Variants in PHF21A observed in about 807,000 individuals in gnomAD.
PHF21A encodes the protein BHC80a.
In PHF21A, 11 loss-of-function variants were observed where a neutral mutation model predicts 82.5. The observed-to-expected ratio is 0.13, with a 90% confidence interval of 0.08 to 0.22. The LOEUF (loss-of-function observed/expected upper bound fraction) is 0.22, where lower values mean the gene tolerates loss of function less well. Among genes scored for constraint, PHF21A ranks in the 10% least tolerant of loss-of-function variants. PHF21A has a pLI of 1.00. For synonymous variants in PHF21A, 297 were observed against 302.8 expected, an observed-to-expected ratio of 0.98 and a Z score of 0.20; for missense variants, 579 against 837.8, an observed-to-expected ratio of 0.69 and a Z score of 3.81.
chr11:45,933,967 G>GT lies in PHF21A; in HGVS notation c.2046dup. 1 of 1,545,360 alleles carries GT rather than the reference G, an allele frequency of 6.5e-7. No homozygotes were observed. Among genetic ancestry groups the GT allele is most frequent in the Non-Finnish European group, 8.7e-7 (1 of 1,147,934 alleles). ...CCGTGGCTTCTCCTAGAGGGGCTCT[G>GT]TTATTTAGTCTCTTCCCCCTGGTTA... On this transcript the variant is annotated 3_prime_UTR_variant, in exon 19 of 19. Coordinates refer to ENST00000676320, the MANE Select transcript of PHF21A (RefSeq NM_001352027.3).
Position 45,970,044 on chromosome 11 carries a change from A to T in PHF21A, c.613-140T>A, listed in dbSNP as rs1002359252. On this transcript the variant is annotated intron_variant, in intron 8 of 18. Transcript: ENST00000676320. ...TCGTAAGTTAATCATCTGAATTAAC[A>T]CTGCATTAGGAAACTTTTTAACTCT... 50 of 692,588 alleles carry T rather than the reference A, an allele frequency of 7.2e-5. No homozygotes were observed. The African/African-American group carries it at 7.9e-4, about 11-fold the overall frequency. 42.9% of individuals were successfully genotyped at this position (692,588 alleles called of 1,614,324 possible). A position where few individuals can be genotyped will look rare whatever the true frequency, so the allele number is the denominator to read the frequency against.
chr11:45,978,286 GTGAGACT>G, intron 7 of PHF21A, among the ~76,000 whole-genome samples: 1 of 152,310 alleles, frequency 6.6e-6, no homozygotes, highest in Admixed American at 6.5e-5. Context: ...GGGTGACACA[GTGAGACT>G]CCGTCTCAAA....
intron 15 of PHF21A, among the ~76,000 whole-genome samples, chr11:45,939,054 G>A (rs767909297): frequency 6.6e-6 from 1 of 152,068 alleles, no homozygotes; most frequent in Non-Finnish European, 1.5e-5. Flanking sequence ...GGATGGTCTC[G>A]ATCTCCTGAC....
intron 6 of PHF21A, among the ~76,000 whole-genome samples, chr11:46,055,244 A>T (rs978948772): frequency 1.3e-5 from 2 of 152,020 alleles, no homozygotes; most frequent in Non-Finnish European, 2.9e-5. Flanking sequence ...ATTTTTAGTA[A>T]TTTTTTTTAT....
At chr11:46,057,177 G>A (rs765887601) in intron 6 of PHF21A, among the ~76,000 whole-genome samples, 8 of 152,178 alleles carry the variant, frequency 5.3e-5, no homozygotes, top group Non-Finnish European at 8.8e-5. Flanking sequence ...GTCATGTCCA[G>A]TGGGCTAGTA....
chr11:46,071,215 T>C (rs918146570), intron 6 of PHF21A, among the ~76,000 whole-genome samples: 4 of 152,340 alleles, frequency 2.6e-5, no homozygotes, highest in Admixed American at 1.3e-4. Flanking sequence ...TTTTAGTAGT[T>C]TGGCCTGCTT....
chr11:45,945,605 C>T (rs1213959072), intron 15 of PHF21A, among the ~76,000 whole-genome samples: 1 of 152,160 alleles, frequency 6.6e-6, no homozygotes, highest in Non-Finnish European at 1.5e-5. Flanking sequence ...CAAATTCAGA[C>T]TCTGAAGGCT....
intron 6 of PHF21A, among the ~76,000 whole-genome samples, chr11:46,034,105 A>G (rs1248822243): frequency 6.6e-6 from 1 of 152,120 alleles, no homozygotes; most frequent in African/African-American, 2.4e-5. Flanking sequence ...CATTTTCCTC[A>G]TTACTAATAA....
chr11:45,956,626 G>A (rs918946653), intron 10 of PHF21A, among the ~76,000 whole-genome samples: 4 of 152,004 alleles, frequency 2.6e-5, no homozygotes, highest in Admixed American at 6.6e-5. Context: ...TGTTAAAAAC[G>A]TATGAATGTT....
intron 6 of PHF21A, among the ~76,000 whole-genome samples, chr11:46,036,974 G>A (rs995134543): frequency 6.6e-6 from 1 of 152,124 alleles, no homozygotes; most frequent in Admixed American, 6.5e-5. Flanking sequence ...GCTTCCCAAA[G>A]TGTTGGGATT....
chr11:46,107,366 C>T (rs2097163402), intron 1 of PHF21A, among the ~76,000 whole-genome samples: 1 of 152,158 alleles, frequency 6.6e-6, no homozygotes, highest in Admixed American at 6.5e-5. Context: ...CCTCTGTACA[C>T]TATTAGACTA....
chr11:45,981,940 CTTTTTTTTTTTTTT>C (rs754937092), intron 6 of PHF21A, among the ~76,000 whole-genome samples: 9 of 78,268 alleles, frequency 1.1e-4, no homozygotes, highest in East Asian at 8.9e-4. Flanking sequence ...TTTTGTTTTT[CTTTTTTTTTTTTTT>C]TTTTTTTTTT....
At chr11:45,984,466 G>A (rs1179267351) in intron 6 of PHF21A, among the ~76,000 whole-genome samples, 1 of 152,192 alleles carries the variant, frequency 6.6e-6, no homozygotes, top group African/African-American at 2.4e-5. Flanking sequence ...TTCCAAGACA[G>A]GTAGTCACGG....
chr11:46,039,824 T>G (rs1447170515), intron 6 of PHF21A, among the ~76,000 whole-genome samples: 1 of 152,212 alleles, frequency 6.6e-6, no homozygotes, highest in African/African-American at 2.4e-5. Context: ...GAGGAAATAA[T>G]TTTTAAATTT....
At chr11:46,089,346 G>C (rs1161999185) in intron 3 of PHF21A, among the ~76,000 whole-genome samples, 2 of 151,848 alleles carry the variant, frequency 1.3e-5, no homozygotes, top group African/African-American at 4.8e-5. Flanking sequence ...AAATTACCAT[G>C]AATGCAAAAA....
chr11:46,029,342 C>T (rs1290710058), intron 6 of PHF21A, among the ~76,000 whole-genome samples: 1 of 152,132 alleles, frequency 6.6e-6, no homozygotes, highest in Non-Finnish European at 1.5e-5. Flanking sequence ...AATAACTGTT[C>T]TGAAAACAGA....
intron 6 of PHF21A, among the ~76,000 whole-genome samples, chr11:46,016,971 ATT>A (rs58460605): frequency 0.021 from 3,117 of 148,012 alleles, 59 homozygotes; most frequent in Non-Finnish European, 0.03. Context: ...TTTAACCTGG[ATT>A]TTTTTTTTTT....
intron 15 of PHF21A, among the ~76,000 whole-genome samples, chr11:45,940,005 A>C (rs2090035387): frequency 6.6e-6 from 1 of 152,048 alleles, no homozygotes. Flanking sequence ...GCAATAATAG[A>C]GAGGAATGTG....
At chr11:46,015,053 A>G (rs1448368396) in intron 6 of PHF21A, among the ~76,000 whole-genome samples, 1 of 152,078 alleles carries the variant, frequency 6.6e-6, no homozygotes, top group African/African-American at 2.4e-5. Context: ...TGACTGGTGT[A>G]AAGTGGTATC....
Sources: gnomAD v4.1 joint callset for allele counts (sites outside exome capture counted in the v4.1 genomes callset) on GRCh38, gnomAD v4.1.1 for gene constraint, MANE v1.5 for transcripts, NCBI Gene and HGNC (gene_info 2026-07-23, HGNC 2026-07-21) for gene names.